Variants in MCM5 observed in about 807,000 individuals in gnomAD.
The protein encoded by MCM5 is minichromosome maintenance complex component 5.
MCM5 carries 46 observed loss-of-function variants against 79.9 expected under a neutral mutation model. The observed-to-expected ratio is 0.58, with a 90% CI of 0.45 to 0.74. MCM5 has a LOEUF of 0.74. Ranked by LOEUF, MCM5 falls within the 30% of genes least tolerant of loss-of-function variation. The pLI, the probability that MCM5 is intolerant of heterozygous loss-of-function variation, is 0.00. For missense variants in MCM5, 883 were observed against 1,017.0 expected (o/e 0.87, Z 1.79); for synonymous variants, 404 against 390.5 (o/e 1.03, Z -0.41).
At chr22:35,423,055 C>T (rs903980895) in intron 15 of MCM5, 159 bp from the exon 16 acceptor site, 7 of 625,970 alleles carry the variant, frequency 1.1e-5, no homozygotes, top group African/African-American at 9.4e-5. Context: ...ATCCTGTCTC[C>T]TCAATCAGGC....
In MCM5 at chr22:35,421,437, C is replaced by T. The variant is rs1321497496; in HGVS notation, c.1952C>T (p.Ala651Val). ...CTCTTCCAAGTGTCCACGTTGGATG[C>T]TGCCTTGTCCGGTACCCTGTCAGGT... ...LRLFQVSTLD[A>V]ALSGTLSGVE... The change falls in exon 15 of 17, where the codon GCT (alanine) becomes GTT (valine). Residue 651 changes from alanine to valine, a missense_variant. Physicochemically the swap from Ala to Val is moderately conservative, Grantham distance 64 (BLOSUM62 0). Around this residue, in one of 3 missense-constraint regions of MCM5, gnomAD observed 426 missense variants for 482.3 expected, o/e 0.88. Transcript: ENST00000216122. The T allele has an allele frequency of 6.2e-7, 1 of 1,614,158 alleles. No individual in the cohort carries two copies. Among genetic ancestry groups the T allele is most frequent in the Non-Finnish European group, 8.5e-7 (1 of 1,180,040 alleles).
At chr22:35,442,371 C>A in the MCM5 span, among the ~76,000 whole-genome samples, 24 of 150,374 alleles carry the variant, frequency 1.6e-4, no homozygotes, top group African/African-American at 5.2e-4. Context: ...AAAAAAAAAA[C>A]ATCACAAACT....
chr22:35,446,803 T>C, the MCM5 span, among the ~76,000 whole-genome samples: 1 of 148,376 alleles, frequency 6.7e-6, no homozygotes, highest in African/African-American at 2.5e-5. Context: ...AGCATCTTCA[T>C]CACCCAAATC....
At chr22:35,412,449 A>G in intron 7 of MCM5, 61 bp from the exon 8 acceptor site, 1 of 1,370,074 alleles carries the variant, frequency 7.3e-7, no homozygotes, top group Non-Finnish European at 9.6e-7. Flanking sequence ...TGGTGCCAGG[A>G]TGGGCAGTGG....
At chr22:35,427,761 T>C (rs568633500), downstream of MCM5, among the ~76,000 whole-genome samples, 346 of 152,180 alleles carry the variant, frequency 2.3e-3, no homozygotes, top group Non-Finnish European at 4.4e-3. Flanking sequence ...GGTAGATATT[T>C]ATTTTAAGAC....
chr22:35,406,394 T>C (rs544914115), intron 4 of MCM5, among the ~76,000 whole-genome samples, 159 bp from the exon 5 acceptor site: 1 of 145,642 alleles, frequency 6.9e-6, no homozygotes, highest in African/African-American at 2.5e-5. Context: ...ACTGGGTGGA[T>C]GCTCTGGAAG....
intron 6 of MCM5, chr22:35,409,949 C>T (rs955407549): frequency 6.6e-6 from 1 of 152,252 alleles, no homozygotes; most frequent in African/African-American, 2.4e-5. Context: ...TATGATTTTC[C>T]AAGCAGTTCA....
chr22:35,419,564 G>A (rs1932640673), intron 13 of MCM5, among the ~76,000 whole-genome samples: 1 of 152,322 alleles, frequency 6.6e-6, no homozygotes, highest in East Asian at 1.9e-4. Flanking sequence ...CATGTATGGG[G>A]GACCTTGTGG....
intron 5 of MCM5, among the ~76,000 whole-genome samples, chr22:35,407,970 A>G (rs1284291306): frequency 1.3e-5 from 2 of 152,184 alleles, no homozygotes; most frequent in African/African-American, 4.8e-5. Context: ...TCTATTGAAT[A>G]ATGACATAAT....
intron 14 of MCM5, among the ~76,000 whole-genome samples, chr22:35,420,506 G>T (rs1158031660): frequency 6.6e-6 from 1 of 152,200 alleles, no homozygotes; most frequent in East Asian, 1.9e-4. Flanking sequence ...TATAAGTAAT[G>T]GTAAATCCAG....
At chr22:35,450,833 A>G in the MCM5 span, among the ~76,000 whole-genome samples, 2 of 152,138 alleles carry the variant, frequency 1.3e-5, no homozygotes, top group East Asian at 3.9e-4. Flanking sequence ...CTGACTCCAA[A>G]ACCAGCACTC....
At chr22:35,421,945 C>A in intron 15 of MCM5, 1 of 262,664 alleles carries the variant, frequency 3.8e-6, no homozygotes, top group Non-Finnish European at 7.5e-6. Flanking sequence ...TCTCCTGGCC[C>A]CTAGGCCAGC....
the MCM5 span, among the ~76,000 whole-genome samples, chr22:35,437,194 A>G: frequency 2.0e-5 from 3 of 150,436 alleles, no homozygotes; most frequent in African/African-American, 7.4e-5. Flanking sequence ...GGGAATGGGC[A>G]GTGCCCCGAA....
the MCM5 span, among the ~76,000 whole-genome samples, chr22:35,446,184 T>C: frequency 6.6e-6 from 1 of 152,196 alleles, no homozygotes; most frequent in Non-Finnish European, 1.5e-5. Flanking sequence ...TCTCCTCTGG[T>C]AGGCATATCC....
intron 7 of MCM5, among the ~76,000 whole-genome samples, chr22:35,412,030 C>G (rs1481993870): frequency 6.6e-6 from 1 of 152,166 alleles, no homozygotes; most frequent in Non-Finnish European, 1.5e-5. Context: ...CTCTGGCCAG[C>G]TCCACCTTTA....
intron 4 of MCM5, among the ~76,000 whole-genome samples, chr22:35,404,088 G>A (rs540835990): frequency 7.9e-5 from 12 of 152,230 alleles, no homozygotes; most frequent in African/African-American, 2.9e-4. Context: ...CTTTAGCCTG[G>A]GTGACAGAGC....
intron 9 of MCM5, among the ~76,000 whole-genome samples, chr22:35,414,964 G>C (rs1341361220): frequency 6.6e-6 from 1 of 152,184 alleles, no homozygotes; most frequent in African/African-American, 2.4e-5. Flanking sequence ...TCTTTGGATA[G>C]ATAGGAAGTG....
Position 35,410,905 on chromosome 22 carries a change from G to T in MCM5, c.914G>T (p.Gly305Val), listed in dbSNP as rs971754741. 15 of 1,595,396 alleles carry T rather than the reference G, an allele frequency of 9.4e-6. No homozygotes were observed. Among genetic ancestry groups the T allele is most frequent in the East Asian group, 2.2e-5 (1 of 44,594 alleles). The change falls in exon 7 of 17, where the codon GGC (glycine) becomes GTC (valine). Residue 305 changes from glycine (G) to valine (V), a missense_variant. Physicochemically the swap from Gly to Val is moderately radical, Grantham distance 109. Around this residue, in one of 3 missense-constraint regions of MCM5, gnomAD observed 455 missense variants for 517.5 expected, o/e 0.88. Coordinates refer to ENST00000216122, the MANE Select transcript of MCM5 (RefSeq NM_006739.4). ...RVLGIQVDTD[G>V]SGRSFAGAVS... ...CTGGGCATCCAGGTGGACACAGATGGCTCTGGTGAGTTGGCTTTGGGGTCC... is the reference window on the plus strand; with the variant it reads ...CTGGGCATCCAGGTGGACACAGATGTCTCTGGTGAGTTGGCTTTGGGGTCC...
downstream of MCM5, among the ~76,000 whole-genome samples, chr22:35,426,425 A>G (rs922493551): frequency 2.6e-5 from 4 of 152,004 alleles, no homozygotes; most frequent in Non-Finnish European, 5.9e-5. Flanking sequence ...AGGTGGGGCA[A>G]GGGGGGGAGC....
Sources: allele counts gnomAD v4.1 joint callset (sites outside exome capture counted in the v4.1 genomes callset), GRCh38; gene constraint gnomAD v4.1.1; regional missense constraint gnomAD v4.1.1; transcripts MANE v1.5; gene names NCBI Gene and HGNC (gene_info 2026-07-23, HGNC 2026-07-21).